The following AFF3 variants were observed in gnomAD, a reference collection of about 807,000 sequenced individuals.
AFF3 encodes ALF transcription elongation factor 3, also known as AF4/FMR2 family member 3.
In AFF3, 32 loss-of-function variants were observed where a neutral mutation model predicts 129.7. The ratio of observed to expected loss-of-function variants is 0.25; its 90% CI spans 0.19 to 0.33. The LOEUF (loss-of-function observed/expected upper bound fraction) is 0.33. Among genes scored for constraint, AFF3 ranks in the 10% least tolerant of loss-of-function variants. The probability of loss-of-function intolerance (pLI) is 1.00; values close to 1 mark genes in which losing one functional copy is unlikely to be tolerated. For missense variants in AFF3, 1,373 were observed against 1,592.0 expected (o/e 0.86, Z 2.34); for synonymous variants, 644 against 635.4 (o/e 1.01, Z -0.20).
intron 7 of AFF3, among the ~76,000 whole-genome samples, chr2:99,906,193 A>G (rs534008877): frequency 2.0e-5 from 3 of 152,346 alleles, no homozygotes; most frequent in African/African-American, 7.2e-5. Context: ...ACTACCTTTG[A>G]CTGTTTACTT....
chr2:99,706,007 T>C (rs1279356966), intron 11 of AFF3, among the ~76,000 whole-genome samples: 1 of 150,940 alleles, frequency 6.6e-6, no homozygotes, highest in Non-Finnish European at 1.5e-5. Context: ...AAAATACAGC[T>C]TCCCAGGCCC....
intron 2 of AFF3, among the ~76,000 whole-genome samples, chr2:100,110,859 C>G (rs1691489040): frequency 6.6e-6 from 1 of 152,224 alleles, no homozygotes; most frequent in Admixed American, 6.5e-5. Flanking sequence ...ACTGTATTTT[C>G]TAGTCTCTCT....
intron 12 of AFF3, among the ~76,000 whole-genome samples, chr2:99,666,207 C>T (rs911686747): frequency 4.6e-5 from 7 of 152,178 alleles, no homozygotes; most frequent in Non-Finnish European, 1.0e-4. Flanking sequence ...GAATAAGATA[C>T]ACGGTGAAAT....
At chr2:99,742,472 T>C (rs1429401612) in intron 10 of AFF3, among the ~76,000 whole-genome samples, 2 of 152,234 alleles carry the variant, frequency 1.3e-5, no homozygotes, top group Non-Finnish European at 2.9e-5. Flanking sequence ...TCATGTCTTG[T>C]AGAAGAAGCA....
rs558874020 is a variant in AFF3, at chr2:100,110,927, A to G, written c.-144-5344T>C. ...GGCCAATAAGACACCCGTTTATGTC[A>G]GTCAGGATTTCTCAGAATGTTTTGC... On this transcript the variant is annotated intron_variant, in intron 2 of 24. Transcript: ENST00000672756. Among the ~76,000 whole-genome samples, 172 of 152,326 alleles carry G rather than the reference A, an allele frequency of 1.1e-3. 6 individuals carry two copies. In the South Asian group the frequency reaches 0.035, roughly 31 times the overall value.
chr2:99,959,636 G>A (rs1349738206), intron 7 of AFF3, among the ~76,000 whole-genome samples: 1 of 149,828 alleles, frequency 6.7e-6, no homozygotes, highest in South Asian at 2.1e-4. Flanking sequence ...CATTGCAAGC[G>A]CTCACAGATT....
intron 7 of AFF3, among the ~76,000 whole-genome samples, chr2:99,975,619 A>G (rs1678798303): frequency 6.6e-6 from 1 of 152,030 alleles, no homozygotes; most frequent in African/African-American, 2.4e-5. Flanking sequence ...GGCAGGAGGC[A>G]TTTTCATTTT....
intron 4 of AFF3, among the ~76,000 whole-genome samples, chr2:100,055,229 ACAT>A (rs1471491196): frequency 6.6e-6 from 1 of 152,008 alleles, no homozygotes; most frequent in Non-Finnish European, 1.5e-5. Context: ...TACTATACCA[ACAT>A]CATCTTGTTA....
chr2:99,741,453 T>G (rs1025657285), intron 10 of AFF3, among the ~76,000 whole-genome samples: 1 of 151,958 alleles, frequency 6.6e-6, no homozygotes, highest in Non-Finnish European at 1.5e-5. Context: ...AAATCATGAG[T>G]GAACTCCCAT....
intron 2 of AFF3, among the ~76,000 whole-genome samples, chr2:100,115,006 CTT>C (rs1242126150): frequency 2.0e-5 from 3 of 152,046 alleles, no homozygotes; most frequent in Non-Finnish European, 4.4e-5. Flanking sequence ...CTCAAAAAGA[CTT>C]TTGTTTGTTA....
chr2:99,837,455 A>AC, intron 8 of AFF3, 22 bp downstream of exon 8: 2 of 1,607,140 alleles, frequency 1.2e-6, no homozygotes, highest in South Asian at 2.2e-5. Flanking sequence ...GATTGATAAG[A>AC]CTGTTTAAAG....
At chr2:99,744,867 G>A (rs1681019331) in intron 9 of AFF3, among the ~76,000 whole-genome samples, 1 of 152,032 alleles carries the variant, frequency 6.6e-6, no homozygotes, top group South Asian at 2.1e-4. Context: ...ACACTAGTTC[G>A]AGTCCATGTT....
intron 7 of AFF3, among the ~76,000 whole-genome samples, chr2:99,997,583 T>TAC: frequency 6.6e-6 from 1 of 151,772 alleles, no homozygotes; most frequent in Non-Finnish European, 1.5e-5. Context: ...TTTTCATACC[T>TAC]ACGTCAGATC....
intron 18 of AFF3, among the ~76,000 whole-genome samples, chr2:99,569,818 G>A (rs1575383066): frequency 6.6e-6 from 1 of 152,126 alleles, no homozygotes; most frequent in African/African-American, 2.4e-5. Context: ...CTCTCTGAAC[G>A]GGAGATTCGA....
chr2:100,096,186 A>G (rs1383534992), intron 4 of AFF3, among the ~76,000 whole-genome samples: 18 of 151,706 alleles, frequency 1.2e-4, no homozygotes, highest in African/African-American at 4.4e-4. Flanking sequence ...GAGATTCTCC[A>G]CAAATCCAAA....
At chr2:99,872,589 C>T (rs1215962873) in intron 7 of AFF3, among the ~76,000 whole-genome samples, 2 of 120,058 alleles carry the variant, frequency 1.7e-5, no homozygotes, top group Admixed American at 8.2e-5. Context: ...AAAAATGCTT[C>T]TTACAAAAAT....
intron 10 of AFF3, among the ~76,000 whole-genome samples, chr2:99,742,411 T>C (rs1489955168): frequency 6.6e-6 from 1 of 152,162 alleles, no homozygotes; most frequent in African/African-American, 2.4e-5. Flanking sequence ...AAAACCTTTC[T>C]TGGACAATGA....
intron 2 of AFF3, among the ~76,000 whole-genome samples, chr2:100,128,469 G>T (rs1454445517): frequency 6.6e-6 from 1 of 152,204 alleles, no homozygotes; most frequent in Non-Finnish European, 1.5e-5. Context: ...GGTTAAGGAA[G>T]ACCAGAGTGA....
intron 7 of AFF3, among the ~76,000 whole-genome samples, chr2:99,970,117 T>C (rs1468792453): frequency 1.3e-5 from 2 of 152,018 alleles, no homozygotes; most frequent in Admixed American, 1.3e-4. Context: ...AGGAAGAAAA[T>C]GGCAAAAAGC....
Sources: gnomAD v4.1 joint callset for allele counts (sites outside exome capture counted in the v4.1 genomes callset) on GRCh38, gnomAD v4.1.1 for gene constraint, MANE v1.5 for transcripts, NCBI Gene and HGNC (gene_info 2026-07-23, HGNC 2026-07-21) for gene names.